The following ASS1 variants were observed in gnomAD, a reference collection of about 807,000 sequenced individuals.
ASS1 encodes the protein argininosuccinate synthase 1, also known as argininosuccinate synthase.
In ASS1, 58 loss-of-function variants were observed where a neutral mutation model predicts 60.5. The observed-to-expected ratio is 0.96, with a 90% CI of 0.78 to 1.19. ASS1 has a LOEUF of 1.19. Ranked by LOEUF, ASS1 falls within the 50% of genes most tolerant of loss-of-function variation. The probability of loss-of-function intolerance (pLI) is 0.00; values close to 1 mark genes in which losing one functional copy is unlikely to be tolerated. For synonymous variants in ASS1, 200 were observed against 206.9 expected, an observed-to-expected ratio of 0.97 and a Z score of 0.29; for missense variants, 454 against 547.3, an observed-to-expected ratio of 0.83 and a Z score of 1.70.
At chr9:130,483,387 T>C (rs941771212) in intron 11 of ASS1, among the ~76,000 whole-genome samples, 3 of 149,304 alleles carry the variant, frequency 2.0e-5, no homozygotes, top group African/African-American at 7.4e-5. Context: ...GCAGCGCCAG[T>C]GCCCTGGGTC....
intron 6 of ASS1, 55 bp downstream of exon 6, chr9:130,466,854 G>C: frequency 6.3e-7 from 1 of 1,578,902 alleles, no homozygotes; most frequent in Non-Finnish European, 8.7e-7. Flanking sequence ...CCCTTCCCGG[G>C]CACGTCCCTG....
chr9:130,479,929 A>G (rs752735197), intron 10 of ASS1, 129 bp downstream of exon 10: 8 of 1,095,930 alleles, frequency 7.3e-6, no homozygotes, highest in African/African-American at 1.5e-5. Context: ...TCCCTTCCCC[A>G]TAGCCACAGA....
chr9:130,461,903 T>G (rs1484101976), intron 4 of ASS1, among the ~76,000 whole-genome samples: 1 of 151,892 alleles, frequency 6.6e-6, no homozygotes, highest in African/African-American at 2.4e-5. Context: ...AAGGTGACAG[T>G]GAAATGTTGG....
rs894440701 is a variant in ASS1 at position 130,454,450 on chromosome 9, A to G, written c.174+77A>G. On this transcript the variant is annotated intron_variant, in intron 3 of 14. Transcript: ENST00000352480. ...GGGCAGTGGTGGATGCTCCTGCCCCAGGGATCCCATCCCTTCCAGTGTGTC... is the reference window on the plus strand; with the variant it reads ...GGGCAGTGGTGGATGCTCCTGCCCCGGGGATCCCATCCCTTCCAGTGTGTC... The G allele has an allele frequency of 1.6e-5, 23 of 1,420,434 alleles. No homozygotes were observed. In the African/African-American group the frequency reaches 3.0e-4, roughly 18 times the overall value. The allele number at this position is 1,420,434 out of a possible 1,614,324, so 88.0% of individuals were successfully genotyped here.
At chr9:130,450,424 T>C (rs1845300730) in intron 1 of ASS1, 3 of 860,182 alleles carry the variant, frequency 3.5e-6, no homozygotes, top group Non-Finnish European at 4.2e-6. Flanking sequence ...TTGCCATGGA[T>C]ACCACCTGCT....
intron 9 of ASS1, 81 bp from the exon 10 acceptor site, chr9:130,479,635 G>A (rs770644960): frequency 5.5e-5 from 61 of 1,114,148 alleles, no homozygotes; most frequent in Non-Finnish European, 7.6e-5. Context: ...GTTTCGGGAG[G>A]AGGGAGAGGG....
chr9:130,501,256 CACTA>C lies in ASS1; in HGVS notation c.*236_*239del. 3.7e-6 allele frequency: 2 copies of C among 535,578 alleles called. No individual in the cohort carries two copies. Among genetic ancestry groups the C allele is most frequent in the Non-Finnish European group, 6.7e-6 (2 of 298,412 alleles). The allele number at this position is 535,578 out of a possible 1,614,324, so 33.2% of individuals were successfully genotyped here. On this transcript the variant is annotated 3_prime_UTR_variant, in exon 15 of 15. Transcript: ENST00000352480. Reference sequence around the variant, plus strand: ...CTATAAAAATGACAATTAAAAGAGACACTAGTCTTTTATTTCTAGTGAGTGTGTG... The same window carrying C: ...CTATAAAAATGACAATTAAAAGAGACGTCTTTTATTTCTAGTGAGTGTGTG...
intron 8 of ASS1, among the ~76,000 whole-genome samples, chr9:130,473,342 G>A (rs1281492247): frequency 2.0e-5 from 3 of 152,180 alleles, no homozygotes; most frequent in Admixed American, 2.0e-4. Context: ...GCAGCTGGGG[G>A]TCCCATGCTA....
chr9:130,487,318 C>T (rs1317474545), intron 11 of ASS1, among the ~76,000 whole-genome samples: 1 of 151,874 alleles, frequency 6.6e-6, no homozygotes, highest in African/African-American at 2.4e-5. Context: ...GAGGAAACTT[C>T]TGGTTAGTGC....
chr9:130,461,385 G>C (rs1215982), intron 4 of ASS1, among the ~76,000 whole-genome samples: 1 of 110,714 alleles, frequency 9.0e-6, no homozygotes, highest in African/African-American at 3.3e-5. Flanking sequence ...CTTGGGGGCC[G>C]ACAAAGGCGG....
intron 1 of ASS1, among the ~76,000 whole-genome samples, chr9:130,451,250 G>A (rs1430279218): frequency 3.3e-5 from 5 of 152,130 alleles, no homozygotes; most frequent in Admixed American, 2.0e-4. Flanking sequence ...TCATTGTGAC[G>A]GAGGGTGGGG....
intron 4 of ASS1, among the ~76,000 whole-genome samples, chr9:130,461,672 C>G (rs1392098962): frequency 6.6e-6 from 1 of 152,234 alleles, no homozygotes; most frequent in Non-Finnish European, 1.5e-5. Context: ...CCCCAACAGC[C>G]TCTGGAGACA....
chr9:130,450,248 A>C (rs866262416), intron 1 of ASS1: 4 of 987,766 alleles, frequency 4.0e-6, no homozygotes, highest in South Asian at 4.7e-5. Flanking sequence ...ACCTGCAGGC[A>C]GCTGAGTAGC....
At chr9:130,460,082 G>T (rs1433503733) in intron 4 of ASS1, among the ~76,000 whole-genome samples, 1 of 152,238 alleles carries the variant, frequency 6.6e-6, no homozygotes, top group African/African-American at 2.4e-5. Context: ...CAGTCAGAAG[G>T]CTCGGAAACT....
At chr9:130,456,126 A>G (rs1192994839) in intron 3 of ASS1, among the ~76,000 whole-genome samples, 1 of 152,234 alleles carries the variant, frequency 6.6e-6, no homozygotes, top group Non-Finnish European at 1.5e-5. Flanking sequence ...GGAATCCTCT[A>G]CACTCTAATT....
intron 5 of ASS1, among the ~76,000 whole-genome samples, chr9:130,464,532 T>C (rs1031677488): frequency 1.3e-5 from 2 of 152,046 alleles, no homozygotes; most frequent in South Asian, 4.1e-4. Context: ...TGGGGATGGC[T>C]CTGAAACGTG....
Position 130,476,818 on chromosome 9 carries a change from G to A in ASS1, c.598-53G>A, listed in dbSNP as rs1846030874. The A allele has an allele frequency of 2.6e-6, 4 of 1,518,206 alleles. No individual in the cohort carries two copies. The Admixed American group carries it at 6.7e-5, about 25-fold the overall frequency. 94.0% of individuals were successfully genotyped at this position (1,518,206 alleles called of 1,614,324 possible). A position where few individuals can be genotyped will look rare whatever the true frequency, so the allele number is the denominator to read the frequency against. ...AGATCCCCGCGGGAGGTGGGCTGTAGGGTGTCCAGGGACTGGTATGTCATC... is the reference window on the plus strand; with the variant it reads ...AGATCCCCGCGGGAGGTGGGCTGTAAGGTGTCCAGGGACTGGTATGTCATC... On this transcript the variant is annotated intron_variant, in intron 8 of 14. Transcript: ENST00000352480. This position sits in a 1 kb window ranked among gnomAD's most constrained non-coding sequence, Gnocchi z 4.9.
chr9:130,470,465 G>A lies in ASS1; in HGVS notation c.496-369G>A, dbSNP rs1379663591. ...AGGTGCCCCGGTCCACAGTGCGAGC[G>A]GGTTCACACAAGCCCCAGCTCGTAG... On this transcript the variant is annotated intron_variant, in intron 6 of 14. Transcript: ENST00000352480. This position sits in a 1 kb window ranked among gnomAD's most constrained non-coding sequence, Gnocchi z 4.3. Among the ~76,000 whole-genome samples the A allele has an allele frequency of 6.6e-6, 1 of 152,196 alleles. No homozygotes were observed. Among genetic ancestry groups the A allele is most frequent in the Admixed American group, 6.5e-5 (1 of 15,282 alleles).
At position 130,482,056 on chromosome 9, in the gene ASS1, C is replaced by T. The variant is rs535418350; in HGVS notation, c.838+1607C>T. 3.9e-5 allele frequency among the ~76,000 whole-genome samples: 6 copies of T among 152,234 alleles called. No individual in the cohort carries two copies. The South Asian group carries it at 6.2e-4, about 16-fold the overall frequency. The stretch of plus-strand genomic sequence containing the variant: ...CAGACCAGCACCCCATTTACAGATG[C>T]GGAAGCCAGGGCTGGGGAGGGGTGG... On this transcript the variant is annotated intron_variant, in intron 11 of 14. Transcript: ENST00000352480.
Sources: allele counts gnomAD v4.1 joint callset (sites outside exome capture counted in the v4.1 genomes callset), GRCh38; gene constraint gnomAD v4.1.1; non-coding constraint Gnocchi (gnomAD v3.1); transcripts MANE v1.5; gene names NCBI Gene and HGNC (gene_info 2026-07-23, HGNC 2026-07-21).